The following SPMIP4 variants were observed in gnomAD, a reference collection of about 807,000 sequenced individuals.
SPMIP4 encodes sperm microtubule inner protein 4.
At chr7:25,153,279 A>G in the SPMIP4 span, among the ~76,000 whole-genome samples, 2 of 152,046 alleles carry the variant, frequency 1.3e-5, no homozygotes, top group African/African-American at 2.4e-5. Context: ...AAGTGTTTTT[A>G]TGGGCTGGCC....
the SPMIP4 span, among the ~76,000 whole-genome samples, chr7:25,148,659 G>C: frequency 1.5e-4 from 23 of 152,104 alleles, no homozygotes; most frequent in African/African-American, 3.6e-4. Flanking sequence ...ATTTTTAGTA[G>C]AGTCAGTGTT....
the SPMIP4 span, among the ~76,000 whole-genome samples, chr7:25,149,276 A>G: frequency 1.4e-5 from 2 of 142,146 alleles, no homozygotes; most frequent in Non-Finnish European, 3.1e-5. Context: ...ATTGTAGATA[A>G]AGAACACTGT....
chr7:25,159,420 T>C, the SPMIP4 span, among the ~76,000 whole-genome samples: 1 of 152,218 alleles, frequency 6.6e-6, no homozygotes, highest in Non-Finnish European at 1.5e-5. Context: ...AATAATCCTG[T>C]AGCCCTGGAA....
chr7:25,159,574 T>A, the SPMIP4 span, among the ~76,000 whole-genome samples: 1 of 152,228 alleles, frequency 6.6e-6, no homozygotes, highest in Non-Finnish European at 1.5e-5. Context: ...TCAGTAAAAT[T>A]GAATACACTG....
At chr7:25,126,247 A>G in the SPMIP4 span, among the ~76,000 whole-genome samples, 171 of 152,288 alleles carry the variant, frequency 1.1e-3, 2 homozygotes, top group South Asian at 0.034. Flanking sequence ...ACCCTGTTGT[A>G]TTACTAGACC....
At chr7:25,165,181 C>T in the SPMIP4 span, among the ~76,000 whole-genome samples, 20 of 152,184 alleles carry the variant, frequency 1.3e-4, no homozygotes, top group Non-Finnish European at 5.9e-5. Flanking sequence ...GGAATGAGGA[C>T]TACAGTCGCT....
the SPMIP4 span, chr7:25,136,642 T>C: frequency 1.2e-5 from 19 of 1,614,052 alleles, no homozygotes; most frequent in Non-Finnish European, 1.5e-5. The surrounding 1 kb of genome is among the most constrained non-coding windows in gnomAD (Gnocchi z 5.7). Context: ...TACAAAGGTA[T>C]GAAAATTACA....
chr7:25,179,580 G>A, the SPMIP4 span: 1 of 308,628 alleles, frequency 3.2e-6, no homozygotes, highest in Non-Finnish European at 5.9e-6. Flanking sequence ...CAGTAGGTTC[G>A]TACCAGTCCG....
the SPMIP4 span, among the ~76,000 whole-genome samples, chr7:25,167,507 C>T: frequency 6.0e-4 from 91 of 152,314 alleles, no homozygotes; most frequent in Non-Finnish European, 1.1e-3. Flanking sequence ...TGGCCTGTGA[C>T]TGTCAGGCCT....
At chr7:25,175,346 C>T in the SPMIP4 span, among the ~76,000 whole-genome samples, 1 of 152,144 alleles carries the variant, frequency 6.6e-6, no homozygotes, top group African/African-American at 2.4e-5. Flanking sequence ...ACAACCTCTG[C>T]CTCTAGGCTC....
chr7:25,171,841 A>G, the SPMIP4 span, among the ~76,000 whole-genome samples: 1 of 152,246 alleles, frequency 6.6e-6, no homozygotes, highest in Non-Finnish European at 1.5e-5. Context: ...GTTCAAGGTG[A>G]GTCAGAAGTT....
chr7:25,159,490 G>A, the SPMIP4 span, among the ~76,000 whole-genome samples: 2 of 152,188 alleles, frequency 1.3e-5, no homozygotes, highest in African/African-American at 4.8e-5. Flanking sequence ...ATTCGTTTCA[G>A]CCTATGCAAA....
the SPMIP4 span, among the ~76,000 whole-genome samples, chr7:25,130,186 C>G: frequency 1.3e-5 from 2 of 151,680 alleles, no homozygotes; most frequent in Non-Finnish European, 2.9e-5. Context: ...TTGCAGTGAG[C>G]TGAGATCATG....
the SPMIP4 span, among the ~76,000 whole-genome samples, chr7:25,139,163 G>GA: frequency 1.1e-4 from 17 of 150,392 alleles, no homozygotes; most frequent in Admixed American, 3.3e-4. Context: ...CATCTTAAAA[G>GA]AAAAAAAAAC....
the SPMIP4 span, chr7:25,179,084 C>A: frequency 7.9e-7 from 1 of 1,268,562 alleles, no homozygotes; most frequent in East Asian, 2.5e-5. Context: ...AGAAGAGCCC[C>A]AGAACAATAA....
the SPMIP4 span, chr7:25,168,405 C>T: frequency 6.2e-7 from 1 of 1,612,030 alleles, no homozygotes; most frequent in Non-Finnish European, 8.5e-7. Flanking sequence ...TCCCACCATA[C>T]TCTCTTTCAG....
the SPMIP4 span, among the ~76,000 whole-genome samples, chr7:25,166,445 G>C: frequency 6.6e-6 from 1 of 152,040 alleles, no homozygotes; most frequent in Non-Finnish European, 1.5e-5. Context: ...AGATTAGCTG[G>C]GCGTGGTGGC....
chr7:25,134,350 AAAC>A, the SPMIP4 span, among the ~76,000 whole-genome samples: 2 of 143,710 alleles, frequency 1.4e-5, no homozygotes, highest in African/African-American at 5.3e-5. Context: ...AAAAAAAAAA[AAAC>A]CAAAAAAACA....
chr7:25,145,595 G>A, the SPMIP4 span, among the ~76,000 whole-genome samples: 1 of 152,168 alleles, frequency 6.6e-6, no homozygotes, highest in South Asian at 2.1e-4. Flanking sequence ...TGATATGGAA[G>A]ATAAGCCTAC....
Sources: gnomAD v4.1 joint callset for allele counts (sites outside exome capture counted in the v4.1 genomes callset) on GRCh38, gnomAD v4.1.1 for gene constraint, Gnocchi (gnomAD v3.1) non-coding constraint, MANE v1.5 for transcripts, NCBI Gene and HGNC (gene_info 2026-07-23, HGNC 2026-07-21) for gene names.